Variants in SLC25A26 observed in about 807,000 individuals in gnomAD.
The protein encoded by SLC25A26 is solute carrier family 25 member 26.
In SLC25A26, 36 loss-of-function variants were observed where a neutral mutation model predicts 37.8. That is an observed-to-expected ratio of 0.95 (90% CI 0.73 to 1.26). The LOEUF (loss-of-function observed/expected upper bound fraction) is 1.26, where lower values mean the gene tolerates loss of function less well. Among genes scored for constraint, SLC25A26 ranks in the 50% most tolerant of loss-of-function variants. The pLI is 0.00. For missense variants in SLC25A26, 390 were observed against 331.1 expected, an observed-to-expected ratio of 1.18 and a Z score of -1.38; for synonymous variants, 129 against 122.5, an observed-to-expected ratio of 1.05 and a Z score of -0.35.
Position 66,170,574 on chromosome 3 carries a change from G to A in SLC25A26, c.-354+36590G>A, listed in dbSNP as rs138951501. On this transcript the variant is annotated intron_variant, in intron 1 of 10. Coordinates refer to the SLC25A26 transcript ENST00000676754. Reference sequence around the variant, plus strand: ...ATACAATCCTCCTAAGAATGTATGAGGTATGTCATCTAAGAATCATTGCCA... The same window carrying A: ...ATACAATCCTCCTAAGAATGTATGAAGTATGTCATCTAAGAATCATTGCCA... 8.5e-4 allele frequency among the ~76,000 whole-genome samples: 129 copies of A among 152,176 alleles called. 2 individuals are homozygous for A. The East Asian group carries it at 0.011, about 13-fold the overall frequency.
intron 1 of SLC25A26, among the ~76,000 whole-genome samples, chr3:66,154,527 G>A (rs1416520437): frequency 2.1e-5 from 3 of 142,520 alleles, no homozygotes; most frequent in South Asian, 2.2e-4. Context: ...GTCCAACCTC[G>A]TTTTCTTTTT....
At chr3:66,252,989 A>C (rs1258608359) in intron 3 of SLC25A26, among the ~76,000 whole-genome samples, 1 of 145,040 alleles carries the variant, frequency 6.9e-6, no homozygotes, top group African/African-American at 2.6e-5. Flanking sequence ...AGGTTCCAAA[A>C]TTTGCCGTTG....
At chr3:66,258,240 C>T (rs929300793) in intron 3 of SLC25A26, among the ~76,000 whole-genome samples, 7 of 152,070 alleles carry the variant, frequency 4.6e-5, no homozygotes, top group South Asian at 4.2e-4. Context: ...AGGGAGGAGG[C>T]CTGTTCTCCT....
intron 5 of SLC25A26, among the ~76,000 whole-genome samples, chr3:66,278,705 G>C (rs1047124164): frequency 2.0e-5 from 3 of 151,936 alleles, no homozygotes; most frequent in African/African-American, 4.8e-5. Flanking sequence ...CTTATCCTAC[G>C]AACTTTCTGC....
chr3:66,309,775 C>T (rs1301022248), intron 5 of SLC25A26, among the ~76,000 whole-genome samples: 1 of 152,150 alleles, frequency 6.6e-6, no homozygotes, highest in African/African-American at 2.4e-5. Context: ...AATAGTCATT[C>T]AGGAGCAGGT....
chr3:66,273,800 A>G (rs2074037625), intron 5 of SLC25A26, among the ~76,000 whole-genome samples: 2 of 152,198 alleles, frequency 1.3e-5, no homozygotes, highest in Admixed American at 1.3e-4. Flanking sequence ...GGAAGAATCA[A>G]TATCGTGAAA....
At chr3:66,145,039 T>A (rs938963609) in intron 1 of SLC25A26, among the ~76,000 whole-genome samples, 1 of 152,146 alleles carries the variant, frequency 6.6e-6, no homozygotes, top group Admixed American at 6.6e-5. Flanking sequence ...AAATGATGCA[T>A]GCCAGAAGAA....
intron 5 of SLC25A26, among the ~76,000 whole-genome samples, chr3:66,333,751 C>G (rs533412707): frequency 6.6e-6 from 1 of 152,188 alleles, no homozygotes; most frequent in South Asian, 2.1e-4. Flanking sequence ...GTGGGCCAGG[C>G]TTTTCTTAGA....
chr3:66,183,951 G>A (rs36187677), intron 1 of SLC25A26, among the ~76,000 whole-genome samples: 7,784 of 151,930 alleles, frequency 0.051, 642 homozygotes, highest in Admixed American at 0.22. Context: ...TAGACACTCA[G>A]TCTGACACTA....
intron 5 of SLC25A26, among the ~76,000 whole-genome samples, chr3:66,269,893 C>T (rs2073894648): frequency 6.6e-6 from 1 of 152,140 alleles, no homozygotes; most frequent in Non-Finnish European, 1.5e-5. Context: ...GCGTGTAAAT[C>T]CTCTTGAAAA....
At chr3:66,195,644 A>G (rs960923835) in intron 1 of SLC25A26, among the ~76,000 whole-genome samples, 1 of 152,218 alleles carries the variant, frequency 6.6e-6, no homozygotes, top group African/African-American at 2.4e-5. Context: ...CGGCGTCTCC[A>G]TCTTCTGGTT....
At chr3:66,165,798 G>GA in intron 1 of SLC25A26, among the ~76,000 whole-genome samples, 1 of 152,048 alleles carries the variant, frequency 6.6e-6, no homozygotes, top group South Asian at 2.1e-4. Context: ...ACAAAATACG[G>GA]AAAAAATCCA....
intron 1 of SLC25A26, among the ~76,000 whole-genome samples, chr3:66,177,087 T>C (rs1054338694): frequency 3.3e-5 from 5 of 152,296 alleles, no homozygotes; most frequent in African/African-American, 1.2e-4. Context: ...AGAAAATAAC[T>C]ATCATCCTCT....
chr3:66,327,947 A>G (rs542025268), intron 5 of SLC25A26, among the ~76,000 whole-genome samples: 19 of 152,078 alleles, frequency 1.2e-4, no homozygotes, highest in African/African-American at 4.3e-4. Flanking sequence ...GAGTGGCGGA[A>G]TTGGAAAATT....
intron 7 of SLC25A26, among the ~76,000 whole-genome samples, chr3:66,363,475 A>G (rs1198783915): frequency 6.6e-6 from 1 of 152,236 alleles, no homozygotes; most frequent in African/African-American, 2.4e-5. Context: ...TTAAAGCAAG[A>G]GCGAGGTGAC....
chr3:66,337,897 G>C (rs1431539721), intron 5 of SLC25A26, among the ~76,000 whole-genome samples: 1 of 151,846 alleles, frequency 6.6e-6, no homozygotes, highest in East Asian at 1.9e-4. Context: ...ATTTTTTACA[G>C]TACATTTTTA....
intron 3 of SLC25A26, among the ~76,000 whole-genome samples, chr3:66,260,609 T>A (rs9873592): frequency 0.052 from 7,934 of 152,266 alleles, 633 homozygotes; most frequent in African/African-American, 0.17. Context: ...CTTCATGACA[T>A]CTAAAATCAC....
upstream of SLC25A26, among the ~76,000 whole-genome samples, chr3:66,220,166 C>G (rs191288708): frequency 6.6e-6 from 1 of 152,150 alleles, no homozygotes. Context: ...TTCTCTGTAG[C>G]CACATTGAGT....
rs773073499 is a variant in SLC25A26 at position 66,356,082 on chromosome 3, G to T, written c.499-6778G>T. On this transcript the variant is annotated intron_variant, in intron 6 of 9. Coordinates refer to ENST00000354883, the MANE Select transcript of SLC25A26 (RefSeq NM_001379210.1). The stretch of plus-strand genomic sequence containing the variant: ...AATAGAGCAGCTAAAGAAGTCCCAA[G>T]TTGTAAGTATTTGTTCACTGGAGCC... 61 of 456,226 alleles carry T rather than the reference G, an allele frequency of 1.3e-4. No homozygotes were observed. In the East Asian group the frequency reaches 3.5e-3, roughly 27 times the overall value. The allele number at this position is 456,226 out of a possible 1,614,324, so 28.3% of individuals were successfully genotyped here.
Sources: allele counts gnomAD v4.1 joint callset (sites outside exome capture counted in the v4.1 genomes callset), GRCh38; gene constraint gnomAD v4.1.1; transcripts MANE v1.5; gene names NCBI Gene and HGNC (gene_info 2026-07-23, HGNC 2026-07-21).